ABCA1: variants seen among roughly 807,000 people sequenced by gnomAD.
ABCA1 encodes the protein phospholipid-transporting ATPase ABCA1.
ABCA1 carries 133 observed loss-of-function variants against 262.5 expected under a neutral mutation model. That is an observed-to-expected ratio of 0.51 (90% CI 0.44 to 0.59). The LOEUF (loss-of-function observed/expected upper bound fraction) is 0.59. ABCA1 is among the 20% of genes least tolerant of loss of function. ABCA1 has a pLI of 0.00. For missense variants in ABCA1, 2,452 were observed against 2,777.5 expected (o/e 0.88, Z 2.63); for synonymous variants, 1,022 against 1,043.5 (o/e 0.98, Z 0.40).
At chr9:104,865,439 G>A (rs987456074) in intron 5 of ABCA1, among the ~76,000 whole-genome samples, 8 of 151,166 alleles carry the variant, frequency 5.3e-5, no homozygotes, top group Non-Finnish European at 8.8e-5. Flanking sequence ...TCACTTGAAC[G>A]TGGGAGGCAG....
chr9:104,882,056 A>AAAAAAAAAAAAAAAAAAAAAAAAAC (rs910844455), intron 5 of ABCA1, among the ~76,000 whole-genome samples: 1 of 144,538 alleles, frequency 6.9e-6, no homozygotes, highest in Non-Finnish European at 1.5e-5. Context: ...AAAAAAAAAA[A>AAAAAAAAAAAAAAAAAAAAAAAAAC]ACTCAAATCT....
At chr9:104,839,059 C>G (rs918278835) in intron 9 of ABCA1, among the ~76,000 whole-genome samples, 1 of 152,102 alleles carries the variant, frequency 6.6e-6, no homozygotes, top group African/African-American at 2.4e-5. Flanking sequence ...GAAAGACACA[C>G]CTGTGGTTGG....
intron 1 of ABCA1, among the ~76,000 whole-genome samples, chr9:104,908,652 C>T (rs1219157695): frequency 6.6e-6 from 1 of 152,146 alleles, no homozygotes; most frequent in Non-Finnish European, 1.5e-5. Context: ...CAGAGTGAGA[C>T]ACCTCCTCAT....
chr9:104,868,594 A>G (rs529675445), intron 5 of ABCA1, among the ~76,000 whole-genome samples: 34 of 152,320 alleles, frequency 2.2e-4, no homozygotes, highest in Non-Finnish European at 4.6e-4. Context: ...CAGTCTCTTC[A>G]ATACAGACCA....
intron 44 of ABCA1, among the ~76,000 whole-genome samples, chr9:104,790,063 T>C (rs915891773): frequency 6.7e-6 from 1 of 149,744 alleles, no homozygotes; most frequent in East Asian, 2.0e-4. Context: ...GCCATTGCTC[T>C]CCAGCCTGGG....
intron 32 of ABCA1, 57 bp downstream of exon 32, chr9:104,804,569 C>G: frequency 1.5e-6 from 2 of 1,363,512 alleles, no homozygotes; most frequent in South Asian, 2.3e-5. Context: ...ATTTGTAGGT[C>G]TTTAATTCCT....
At chr9:104,825,010 C>G (rs1832700438) in intron 17 of ABCA1, among the ~76,000 whole-genome samples, 1 of 152,224 alleles carries the variant, frequency 6.6e-6, no homozygotes, top group African/African-American at 2.4e-5. Flanking sequence ...ATCTTGCTCT[C>G]TCAGAATTTG....
chr9:104,882,534 T>G (rs771022674), intron 5 of ABCA1, among the ~76,000 whole-genome samples: 19 of 152,326 alleles, frequency 1.2e-4, no homozygotes, highest in Non-Finnish European at 2.4e-4. Flanking sequence ...AGGTAAAGAT[T>G]TCACTTTTTA....
chr9:104,820,549 A>G (rs1349458171), intron 20 of ABCA1, among the ~76,000 whole-genome samples: 1 of 152,202 alleles, frequency 6.6e-6, no homozygotes, highest in Non-Finnish European at 1.5e-5. Flanking sequence ...TTCACTTTAG[A>G]TAAGAAGAAA....
At chr9:104,816,790 C>T (rs1831814175) in intron 24 of ABCA1, among the ~76,000 whole-genome samples, 1 of 152,076 alleles carries the variant, frequency 6.6e-6, no homozygotes, top group Non-Finnish European at 1.5e-5. Flanking sequence ...AAGTAGGTTC[C>T]CTCATTTACC....
At chr9:104,800,958 T>A (rs2118894037) in intron 34 of ABCA1, among the ~76,000 whole-genome samples, 1 of 152,110 alleles carries the variant, frequency 6.6e-6, no homozygotes, top group South Asian at 2.1e-4. Context: ...GGCCCATCAC[T>A]CAAAAGCAGA....
chr9:104,824,094 A>G (rs916170138), intron 18 of ABCA1, among the ~76,000 whole-genome samples: 3 of 152,210 alleles, frequency 2.0e-5, no homozygotes, highest in Non-Finnish European at 4.4e-5. Context: ...GCTGATACAC[A>G]GGTCACCATG....
rs2119015549 is a variant in ABCA1, at chr9:104,834,601, T to C, written c.1312-1830A>G. Among the ~76,000 whole-genome samples, 2 of 148,388 alleles carry C rather than the reference T, an allele frequency of 1.3e-5. 1 individual carries two copies. Among genetic ancestry groups the C allele is most frequent in the Non-Finnish European group, 3.0e-5 (2 of 67,102 alleles). ...AAAAAGAATAGCAAGACTAGAAAGA[T>C]GCGCCCACTGAGATCACTGAGCACG... On this transcript the variant is annotated intron_variant, in intron 11 of 49. Transcript: ENST00000374736.
chr9:104,789,989 A>G (rs953862456), intron 44 of ABCA1, among the ~76,000 whole-genome samples: 4 of 151,934 alleles, frequency 2.6e-5, no homozygotes, highest in Non-Finnish European at 5.9e-5. Context: ...TCAGCTACTC[A>G]GGAGGCTGAG....
At chr9:104,834,466 G>A (rs536193081) in intron 11 of ABCA1, among the ~76,000 whole-genome samples, 2 of 149,554 alleles carry the variant, frequency 1.3e-5, no homozygotes, top group Non-Finnish European at 3.0e-5. Context: ...AGAGGCTAGG[G>A]TTAGCAATTC....
intron 30 of ABCA1, among the ~76,000 whole-genome samples, chr9:104,807,875 CAT>C (rs1491073070): frequency 2.3e-5 from 3 of 127,688 alleles, no homozygotes; most frequent in South Asian, 2.3e-4. Flanking sequence ...CACACACACA[CAT>C]ATATATATTA....
chr9:104,794,279 C>T (rs547120802), intron 40 of ABCA1, 108 bp downstream of exon 40: 2 of 1,547,916 alleles, frequency 1.3e-6, no homozygotes, highest in African/African-American at 2.7e-5. Context: ...GGTGGGGGAA[C>T]ATCCTGTGCT....
chr9:104,862,075 CAT>C (rs1554728993), intron 5 of ABCA1, among the ~76,000 whole-genome samples: 1,415 of 138,534 alleles, frequency 0.01, 13 homozygotes, highest in Middle Eastern at 0.03. Flanking sequence ...CACACACACA[CAT>C]ACACACACAC....
At chr9:104,824,916 A>T (rs912264863) in intron 17 of ABCA1, among the ~76,000 whole-genome samples, 1 of 152,242 alleles carries the variant, frequency 6.6e-6, no homozygotes, top group East Asian at 1.9e-4. Flanking sequence ...TGCATATTCA[A>T]TGAAAGAAGT....
Sources: gnomAD v4.1 joint callset for allele counts (sites outside exome capture counted in the v4.1 genomes callset) on GRCh38, gnomAD v4.1.1 for gene constraint, MANE v1.5 for transcripts, NCBI Gene and HGNC (gene_info 2026-07-23, HGNC 2026-07-21) for gene names.